The following TMEM132B variants were observed in gnomAD, a reference collection of about 807,000 sequenced individuals.
The protein encoded by TMEM132B is transmembrane protein 132B.
In TMEM132B, 18 loss-of-function variants were observed where a neutral mutation model predicts 90.8. The ratio of observed to expected loss-of-function variants is 0.20; its 90% CI spans 0.14 to 0.29. The LOEUF (loss-of-function observed/expected upper bound fraction) is 0.29, where lower values mean the gene tolerates loss of function less well. Ranked by LOEUF, TMEM132B falls within the 10% of genes least tolerant of loss-of-function variation. TMEM132B has a pLI of 1.00. For synonymous variants in TMEM132B, 504 were observed against 523.3 expected (o/e 0.96, Z 0.50); for missense variants, 1,096 against 1,326.8 (o/e 0.83, Z 2.70).
intron 5 of TMEM132B, among the ~76,000 whole-genome samples, chr12:125,604,633 A>G (rs1466207838): frequency 1.3e-5 from 2 of 152,240 alleles, no homozygotes; most frequent in African/African-American, 4.8e-5. Flanking sequence ...AAATAAATTG[A>G]TGAGCAAATG....
chr12:125,528,455 G>A (rs773246509), intron 4 of TMEM132B, among the ~76,000 whole-genome samples: 4 of 152,160 alleles, frequency 2.6e-5, no homozygotes, highest in Non-Finnish European at 5.9e-5. Context: ...CTTTTTAGTC[G>A]TATTGGCCTG....
chr12:125,468,935 A>G (rs535247752), intron 3 of TMEM132B, among the ~76,000 whole-genome samples: 9 of 152,338 alleles, frequency 5.9e-5, no homozygotes, highest in African/African-American at 1.9e-4. Flanking sequence ...ATTTTTATAC[A>G]TTGATTTTGC....
chr12:125,413,702 C>T (rs1289761894), intron 2 of TMEM132B, among the ~76,000 whole-genome samples: 1 of 152,184 alleles, frequency 6.6e-6, no homozygotes, highest in African/African-American at 2.4e-5. Context: ...GAATAATATT[C>T]CGTCATATGG....
rs147408495 is a variant in TMEM132B, at chr12:125,648,201, A to G, written c.1644-2482A>G. On this transcript the variant is annotated intron_variant, in intron 6 of 8. Coordinates refer to ENST00000682704, the MANE Select transcript of TMEM132B (RefSeq NM_001366854.1). ...AGTTTACTGAGAATGATGGTTTCCA[A>G]TTTCATCCATGTCCCTACAAAGGAC... is the stretch of plus-strand genomic sequence containing the variant. 9.2e-3 allele frequency among the ~76,000 whole-genome samples: 1,405 copies of G among 151,962 alleles called. 16 individuals are homozygous for G. Among genetic ancestry groups the G allele is most frequent in the African/African-American group, 0.032 (1,334 of 41,414 alleles).
At chr12:125,563,566 A>AAAACAAAC (rs55666916) in intron 4 of TMEM132B, among the ~76,000 whole-genome samples, 23,706 of 145,364 alleles carry the variant, frequency 0.16, 2,122 homozygotes, top group East Asian at 0.22. Flanking sequence ...CTCTGTCTCA[A>AAAACAAAC]AAACAAACAA....
intron 2 of TMEM132B, among the ~76,000 whole-genome samples, chr12:125,399,540 G>C (rs913899129): frequency 5.3e-5 from 8 of 151,158 alleles, no homozygotes; most frequent in African/African-American, 1.9e-4. Context: ...GGCTATAGGA[G>C]AGGCATGGAA....
chr12:125,661,662 A>T lies in TMEM132B; in HGVS notation c.*6952A>T, dbSNP rs1185657170. 2 of 152,204 alleles carry T rather than the reference A, an allele frequency of 1.3e-5. No homozygotes were observed. Among genetic ancestry groups the T allele is most frequent in the Admixed American group, 1.3e-4 (2 of 15,278 alleles). 9.4% of individuals were successfully genotyped at this position (152,204 alleles called of 1,614,324 possible). On this transcript the variant is annotated 3_prime_UTR_variant, in exon 9 of 9. Coordinates refer to ENST00000682704, the MANE Select transcript of TMEM132B (RefSeq NM_001366854.1). ...CAAAACCAATTGTCCAACCTCCATTACAGGGGTCTTCTAGGTATTCCCCAC... is the reference window on the plus strand; with the variant it reads ...CAAAACCAATTGTCCAACCTCCATTTCAGGGGTCTTCTAGGTATTCCCCAC...
intron 2 of TMEM132B, among the ~76,000 whole-genome samples, chr12:125,393,882 T>C (rs1879098324): frequency 6.6e-6 from 1 of 152,220 alleles, no homozygotes; most frequent in Non-Finnish European, 1.5e-5. Context: ...AACCTCTCTT[T>C]TCTCACTGTC....
chr12:125,570,321 G>A (rs1884761419), intron 4 of TMEM132B, among the ~76,000 whole-genome samples: 1 of 152,180 alleles, frequency 6.6e-6, no homozygotes, highest in South Asian at 2.1e-4. Context: ...TTGCCTGTAA[G>A]GCCTACTGCA....
In TMEM132B at chr12:125,654,777, G is replaced by T. The variant is rs1364699249; in HGVS notation, c.*67G>T. On this transcript the variant is annotated 3_prime_UTR_variant, in exon 9 of 9. Transcript: ENST00000682704. This position sits in a 1 kb window ranked among gnomAD's most constrained non-coding sequence, Gnocchi z 5.8. ...TTTTGAATGCTGGAGCAGTGAGTTTGATCAGCAATAGGGGATGATTTAACA... is the reference window on the plus strand; with the variant it reads ...TTTTGAATGCTGGAGCAGTGAGTTTTATCAGCAATAGGGGATGATTTAACA... 1 of 1,524,202 alleles carries T rather than the reference G, an allele frequency of 6.6e-7. No homozygotes were observed. The highest frequency in any genetic ancestry group is 1.4e-5 in the African/African-American group (1 of 72,274). The allele number at this position is 1,524,202 out of a possible 1,614,324, so 94.4% of individuals were successfully genotyped here. A position where few individuals can be genotyped will look rare whatever the true frequency, so the allele number is the denominator to read the frequency against.
intron 1 of TMEM132B, among the ~76,000 whole-genome samples, chr12:125,232,880 T>C (rs138449938): frequency 1.9e-3 from 291 of 152,362 alleles, no homozygotes; most frequent in African/African-American, 6.7e-3. Flanking sequence ...GTTACTTTGG[T>C]ATAAAAAGCT....
rs373158274 is a variant in TMEM132B, at chr12:125,256,831, G to A, written c.67+69965G>A. On this transcript the variant is annotated intron_variant, in intron 1 of 8. Transcript: ENST00000682704. ...TGTTGAGGACTGTCCATTGACCTGC[G>A]CTTCACCTCTTCTGGGTAACTTTTC... is the stretch of plus-strand genomic sequence containing the variant. Among the ~76,000 whole-genome samples, 62 of 152,266 alleles carry A rather than the reference G, an allele frequency of 4.1e-4. No individual in the cohort carries two copies. The East Asian group carries it at 5.8e-3, about 14-fold the overall frequency.
At chr12:125,393,304 T>G (rs550294774) in intron 2 of TMEM132B, among the ~76,000 whole-genome samples, 72 of 152,338 alleles carry the variant, frequency 4.7e-4, no homozygotes, top group African/African-American at 1.7e-3. Flanking sequence ...CCTAACAAGA[T>G]ATGTCATTTC....
intron 1 of TMEM132B, among the ~76,000 whole-genome samples, chr12:125,243,094 TACATATATATATAC>T (rs1874121974): frequency 7.9e-6 from 1 of 126,022 alleles, no homozygotes; most frequent in African/African-American, 2.9e-5. Flanking sequence ...CACATACATA[TACATATATATATAC>T]ACATATATAT....
intron 1 of TMEM132B, among the ~76,000 whole-genome samples, chr12:125,198,753 G>T (rs1198480857): frequency 6.6e-6 from 1 of 152,216 alleles, no homozygotes; most frequent in Non-Finnish European, 1.5e-5. Context: ...CAAGTAGGGT[G>T]GTGAGAACCG....
Position 125,578,965 on chromosome 12 carries a change from C to T in TMEM132B, c.1294-4886C>T, listed in dbSNP as rs139328648. On this transcript the variant is annotated intron_variant, in intron 4 of 8. Transcript: ENST00000682704. ...ATTTTGAGTTCGCTGAACTCTTGGA[C>T]GTGCAGATTAATGTTTTTAATAAAA... 1.9e-3 allele frequency among the ~76,000 whole-genome samples: 290 copies of T among 152,192 alleles called. 1 individual carries two copies. Among genetic ancestry groups the T allele is most frequent in the African/African-American group, 6.7e-3 (277 of 41,534 alleles).
intron 1 of TMEM132B, among the ~76,000 whole-genome samples, chr12:125,347,880 CAT>C (rs1370946576): frequency 9.2e-5 from 14 of 152,306 alleles, no homozygotes; most frequent in African/African-American, 3.4e-4. Context: ...TGTATGTACT[CAT>C]GTGTACATGT....
chr12:125,210,286 C>G (rs553901030), intron 1 of TMEM132B, among the ~76,000 whole-genome samples: 1 of 152,006 alleles, frequency 6.6e-6, no homozygotes, highest in African/African-American at 2.4e-5. Context: ...GGGCTATCTG[C>G]GGGAAGGAGC....
intron 5 of TMEM132B, among the ~76,000 whole-genome samples, chr12:125,599,274 C>T (rs1308426591): frequency 6.6e-6 from 1 of 152,198 alleles, no homozygotes; most frequent in African/African-American, 2.4e-5. Flanking sequence ...TGCCTTTGCT[C>T]CTTCTTCACC....
Sources: gnomAD v4.1 joint callset for allele counts (sites outside exome capture counted in the v4.1 genomes callset) on GRCh38, gnomAD v4.1.1 for gene constraint, Gnocchi (gnomAD v3.1) non-coding constraint, MANE v1.5 for transcripts, NCBI Gene and HGNC (gene_info 2026-07-23, HGNC 2026-07-21) for gene names.